B3GALNT1: variants seen among roughly 807,000 people sequenced by gnomAD.
B3GALNT1 encodes the protein beta-1,3-N-acetylgalactosaminyltransferase 1 (Globoside blood group), also known as UDP-GalNAc:beta-1,3-N-acetylgalactosaminyltransferase 1.
A neutral mutation model predicts 27.3 loss-of-function variants in B3GALNT1; 17 were observed. The ratio of observed to expected loss-of-function variants is 0.62; its 90% CI spans 0.43 to 0.94. The LOEUF (loss-of-function observed/expected upper bound fraction) is 0.94. B3GALNT1 is among the 40% of genes least tolerant of loss of function. The pLI is 0.00. For synonymous variants in B3GALNT1, 141 were observed against 144.0 expected, an observed-to-expected ratio of 0.98 and a Z score of 0.15; for missense variants, 347 against 390.0, an observed-to-expected ratio of 0.89 and a Z score of 0.93.
At chr3:161,093,842 A>G (rs1559990269) in intron 4 of B3GALNT1, among the ~76,000 whole-genome samples, 1 of 152,154 alleles carries the variant, frequency 6.6e-6, no homozygotes, top group Non-Finnish European at 1.5e-5. Flanking sequence ...TAAAAAAAAA[A>G]AATTTTAAGA....
chr3:161,103,482 A>G lies in B3GALNT1; in HGVS notation c.-185T>C. ...AGTTTTTTGTTGTTTTCTGTATTCC[A>G]TGCTTAATTAAAACACTCAGATCTG... On this transcript the variant is annotated 5_prime_UTR_variant, in exon 3 of 5. It removes an upstream start codon present in the reference 5' UTR. Coordinates refer to ENST00000320474, the MANE Select transcript of B3GALNT1 (RefSeq NM_003781.4). 7.8e-7 allele frequency: 1 copy of G among 1,283,224 alleles called. No homozygotes were observed. The highest frequency in any genetic ancestry group is 1.0e-6 in the Non-Finnish European group (1 of 983,588). The allele number at this position is 1,283,224 out of a possible 1,614,324, so 79.5% of individuals were successfully genotyped here. A position where few individuals can be genotyped will look rare whatever the true frequency, so the allele number is the denominator to read the frequency against.
chr3:161,088,535 T>C (rs1161072511), intron 4 of B3GALNT1, among the ~76,000 whole-genome samples: 1 of 152,174 alleles, frequency 6.6e-6, no homozygotes, highest in African/African-American at 2.4e-5. Context: ...CCTATCCCCT[T>C]TACTTGCCAT....
chr3:161,093,824 C>A (rs1726652696), intron 4 of B3GALNT1, among the ~76,000 whole-genome samples: 1 of 151,608 alleles, frequency 6.6e-6, no homozygotes, highest in South Asian at 2.1e-4. Context: ...ACAGTGAGAC[C>A]CCATAGATAA....
In B3GALNT1 at chr3:161,101,123, G is replaced by A. The variant is rs1212653483; in HGVS notation, c.-35+16C>T. On this transcript the variant is annotated intron_variant, in intron 4 of 4. Transcript: ENST00000320474. ...TCCTGGGCAGGGAGCAAAGAATGCAGCAGAAGCAGACACACCTTTACACTC... is the reference window on the plus strand; with the variant it reads ...TCCTGGGCAGGGAGCAAAGAATGCAACAGAAGCAGACACACCTTTACACTC... The A allele has an allele frequency of 1.7e-5, 22 of 1,287,390 alleles. No individual in the cohort carries two copies. Among genetic ancestry groups the A allele is most frequent in the Admixed American group, 4.6e-5 (2 of 43,538 alleles). 79.7% of individuals were successfully genotyped at this position (1,287,390 alleles called of 1,614,324 possible).
At chr3:161,099,809 AACACAC>A (rs149223798) in intron 4 of B3GALNT1, among the ~76,000 whole-genome samples, 1 of 148,934 alleles carries the variant, frequency 6.7e-6, no homozygotes, top group Non-Finnish European at 1.5e-5. Flanking sequence ...CCCCTTCTCT[AACACAC>A]ACACACACAC....
At chr3:161,095,440 T>C (rs68159406) in intron 4 of B3GALNT1, among the ~76,000 whole-genome samples, 30,493 of 152,206 alleles carry the variant, frequency 0.2, 3,132 homozygotes, top group East Asian at 0.26. Context: ...AGGGCACAGG[T>C]GCATACTTCA....
In B3GALNT1 at chr3:161,086,691, G is replaced by A; in HGVS notation, c.64C>T (p.Leu22Phe). The A allele has an allele frequency of 6.2e-7, 1 of 1,614,194 alleles. No individual in the cohort carries two copies. The highest frequency in any genetic ancestry group is 8.5e-7 in the Non-Finnish European group (1 of 1,180,032). ...RMSLRSLKWS[L>F]LLLSLLSFFV... Reference sequence around the variant, plus strand: ...AAACTCAGGAGTGACAGCAGCAGGAGGCTCCATTTGAGGGATCTCAGTGAC... The same window carrying A: ...AAACTCAGGAGTGACAGCAGCAGGAAGCTCCATTTGAGGGATCTCAGTGAC... The change falls in exon 5 of 5, where the codon CTC becomes TTC. Residue 22 changes from leucine to phenylalanine, a missense_variant. By Grantham distance (22) the Leu-to-Phe change is conservative (BLOSUM62 0). Transcript: ENST00000320474.
At chr3:161,099,286 G>GA (rs34672399) in intron 4 of B3GALNT1, among the ~76,000 whole-genome samples, 5 of 151,672 alleles carry the variant, frequency 3.3e-5, no homozygotes, top group African/African-American at 9.7e-5. Context: ...TTGTAGGCAG[G>GA]AAAAAAAATG....
chr3:161,104,576 T>C, intron 1 of B3GALNT1, 170 bp from the exon 2 acceptor site: 2 of 354,474 alleles, frequency 5.6e-6, no homozygotes, highest in South Asian at 4.4e-5. Flanking sequence ...CTAGGAATCT[T>C]TTTAAAACGC....
chr3:161,098,732 A>G (rs534760771), intron 4 of B3GALNT1, among the ~76,000 whole-genome samples: 15 of 152,338 alleles, frequency 9.8e-5, no homozygotes, highest in African/African-American at 3.6e-4. Context: ...AAATTCCTGA[A>G]GGGACTAATG....
At chr3:161,098,351 G>A (rs1168148388) in intron 4 of B3GALNT1, among the ~76,000 whole-genome samples, 2 of 152,114 alleles carry the variant, frequency 1.3e-5, no homozygotes. Context: ...CTATTGGCCT[G>A]GTATCTTCAT....
chr3:161,095,389 G>C (rs1727567450), intron 4 of B3GALNT1, among the ~76,000 whole-genome samples: 1 of 152,182 alleles, frequency 6.6e-6, no homozygotes, highest in South Asian at 2.1e-4. Context: ...TTAAGGAATA[G>C]GCTAAGGCGA....
At position 161,086,221 on chromosome 3, in the gene B3GALNT1, C is replaced by T; in HGVS notation, c.534G>A (p.Lys178=). Residue 178 remains lysine, a synonymous_variant, in exon 5 of 5, where the codon AAG becomes AAA. Coordinates refer to ENST00000320474, the MANE Select transcript of B3GALNT1 (RefSeq NM_003781.4). ...EFCPNAKYVM[K]TDTDVFINTG... ...TATTGATGAAAACATCAGTGTCTGT[C>T]TTCATTACGTACTTGGCATTGGGGC... 6.2e-7 allele frequency: 1 copy of T among 1,614,056 alleles called. No individual in the cohort carries two copies. The highest frequency in any genetic ancestry group is 8.5e-7 in the Non-Finnish European group (1 of 1,179,958).
chr3:161,103,523 C>G lies in B3GALNT1; in HGVS notation c.-220-6G>C, dbSNP rs761722441. On this transcript the variant is annotated splice_region_variant and splice_polypyrimidine_tract_variant and intron_variant, in intron 2 of 4. Transcript: ENST00000320474. Reference sequence around the variant, plus strand: ...CTCAGATCTGTTGTGAACTACTGAACAGAAGAACAGAAAAAAATATATATG... The same window carrying G: ...CTCAGATCTGTTGTGAACTACTGAAGAGAAGAACAGAAAAAAATATATATG... 27 of 1,158,490 alleles carry G rather than the reference C, an allele frequency of 2.3e-5. No individual in the cohort carries two copies. The highest frequency in any genetic ancestry group is 1.3e-4 in the Admixed American group (5 of 39,098). The allele number at this position is 1,158,490 out of a possible 1,614,324, so 71.8% of individuals were successfully genotyped here. A position where few individuals can be genotyped will look rare whatever the true frequency, so the allele number is the denominator to read the frequency against.
chr3:161,090,823 T>C (rs1016777609), intron 4 of B3GALNT1, among the ~76,000 whole-genome samples: 16 of 152,350 alleles, frequency 1.1e-4, no homozygotes, highest in Middle Eastern at 3.4e-3. Context: ...TTCAACTCGG[T>C]AGCTACTATA....
Position 161,086,620 on chromosome 3 carries a change from T to C in B3GALNT1, c.135A>G (p.Glu45=). Residue 45 remains glutamate, a synonymous_variant, in exon 5 of 5, where the codon GAA becomes GAG. Transcript: ENST00000320474. ...YLSLPHYNVI[E]RVNWMYFYEY... is the part of the protein sequence containing the mutation. ...CATAGAAGTACATCCAGTTCACGCG[T>C]TCTATCACATTGTAGTGGGGAAGGC... is the stretch of plus-strand genomic sequence containing the variant. The C allele has an allele frequency of 6.2e-7, 1 of 1,614,188 alleles. No individual in the cohort carries two copies. The highest frequency in any genetic ancestry group is 1.1e-5 in the South Asian group (1 of 91,080).
Position 161,099,014 on chromosome 3 carries a change from A to G in B3GALNT1, c.-35+2125T>C, listed in dbSNP as rs768428884. ...ACAAAATGGGAAAATGTGAGTAATA[A>G]TAGTAGCTAGATGGCTTAAAAATTG... On this transcript the variant is annotated intron_variant, in intron 4 of 4. Transcript: ENST00000320474. Among the ~76,000 whole-genome samples the G allele has an allele frequency of 2.6e-5, 4 of 152,200 alleles. No individual in the cohort carries two copies. In the South Asian group the frequency reaches 6.2e-4, roughly 24 times the overall value.
intron 4 of B3GALNT1, among the ~76,000 whole-genome samples, chr3:161,095,490 T>C (rs1392901288): frequency 6.6e-6 from 1 of 152,252 alleles, no homozygotes; most frequent in Non-Finnish European, 1.5e-5. Flanking sequence ...ATACTTGGCT[T>C]TGAGTTGCTA....
intron 4 of B3GALNT1, among the ~76,000 whole-genome samples, chr3:161,096,159 T>A (rs1728048088): frequency 6.6e-6 from 1 of 152,268 alleles, no homozygotes; most frequent in Non-Finnish European, 1.5e-5. Flanking sequence ...TGCAAATGAT[T>A]TGGTAATGTA....
Sources: allele counts gnomAD v4.1 joint callset (sites outside exome capture counted in the v4.1 genomes callset), GRCh38; gene constraint gnomAD v4.1.1; transcripts MANE v1.5; gene names NCBI Gene and HGNC (gene_info 2026-07-23, HGNC 2026-07-21).